The following PCDH12 variants were observed in gnomAD, a reference collection of about 807,000 sequenced individuals.
PCDH12 encodes protocadherin 12.
A neutral mutation model predicts 70.9 loss-of-function variants in PCDH12; 45 were observed. The ratio of observed to expected loss-of-function variants is 0.63; its 90% CI spans 0.50 to 0.81. The LOEUF (loss-of-function observed/expected upper bound fraction) is 0.81. Among genes scored for constraint, PCDH12 ranks in the 40% least tolerant of loss-of-function variants. The pLI, the probability that PCDH12 is intolerant of heterozygous loss-of-function variation, is 0.00. For synonymous variants in PCDH12, 567 were observed against 626.0 expected, an observed-to-expected ratio of 0.91 and a Z score of 1.41; for missense variants, 1,370 against 1,491.7, an observed-to-expected ratio of 0.92 and a Z score of 1.34.
Position 141,950,167 on chromosome 5 carries a change from G to A in PCDH12, c.2979-584C>T, listed in dbSNP as rs74531188. Among the ~76,000 whole-genome samples, 1,269 of 152,210 alleles carry A rather than the reference G, an allele frequency of 8.3e-3. 18 individuals are homozygous for A. The highest frequency in any genetic ancestry group is 0.029 in the African/African-American group (1,219 of 41,532). ...GAGCAGACCTATGGAGGGTGCAGCC[G>A]GAGTGAGGCAGCCTAAAGCTGCTCA... On this transcript the variant is annotated intron_variant, in intron 2 of 3. Transcript: ENST00000231484.
At position 141,955,872 on chromosome 5, in the gene PCDH12, G is replaced by A; in HGVS notation, c.1980C>T (p.Val660=). ...TCCCAATGAGGCTGCTGGCATTGGT[G>A]ACATTGACGAACAGCTGCCCCGTAT... ...NPHTGQLFVN[V]TNASSLIGSE... Residue 660 remains valine (V), a synonymous_variant, in exon 1 of 4, where the codon GTC becomes GTT. Transcript: ENST00000231484. The surrounding 1 kb of genome is among the most constrained non-coding windows in gnomAD (Gnocchi z 5.5). 6.2e-7 allele frequency: 1 copy of A among 1,614,162 alleles called. No individual in the cohort carries two copies. The highest frequency in any genetic ancestry group is 8.5e-7 in the Non-Finnish European group (1 of 1,180,038).
In PCDH12 at chr5:141,955,627, G is replaced by C. The variant is rs1214356718; in HGVS notation, c.2225C>G (p.Thr742Arg). The change falls in exon 1 of 4, where the codon ACA becomes AGA. Residue 742 changes from threonine (T) to arginine (R), a missense_variant. Thr to Arg is a moderately conservative substitution (Grantham distance 71, BLOSUM62 -1). Transcript: ENST00000231484. This position sits in a 1 kb window ranked among gnomAD's most constrained non-coding sequence, Gnocchi z 5.5. ...ILALFMSICR[T>R]EKKDNRAYNC... ...GTAGGCCCTGTTGTCCTTCTTTTCTGTCCGGCAGATGGACATGAACAAAGC... is the reference window on the plus strand; with the variant it reads ...GTAGGCCCTGTTGTCCTTCTTTTCTCTCCGGCAGATGGACATGAACAAAGC... 1 of 1,613,990 alleles carries C rather than the reference G, an allele frequency of 6.2e-7. No homozygotes were observed. The highest frequency in any genetic ancestry group is 1.3e-5 in the African/African-American group (1 of 74,888).
In PCDH12 at chr5:141,943,910, G is replaced by A. The variant is rs1489437632; in HGVS notation, c.*1471C>T. The A allele has an allele frequency of 2.0e-5, 3 of 152,180 alleles. No individual in the cohort carries two copies. Among genetic ancestry groups the A allele is most frequent in the East Asian group, 3.8e-4 (2 of 5,196 alleles). 9.4% of individuals were successfully genotyped at this position (152,180 alleles called of 1,614,324 possible). On this transcript the variant is annotated 3_prime_UTR_variant, in exon 4 of 4. Coordinates refer to ENST00000231484, the MANE Select transcript of PCDH12 (RefSeq NM_016580.4). ...ATAATGATACCACACTGTATTCCAAGTATGTATGATGCACATTATCCCTAG... is the reference window on the plus strand; with the variant it reads ...ATAATGATACCACACTGTATTCCAAATATGTATGATGCACATTATCCCTAG...
Position 141,954,998 on chromosome 5 carries a change from G to A in PCDH12, c.2854C>T (p.Leu952Phe). Reference protein sequence around the residue: ...AFAERNPVEELTVDSPPVQQI... With the variant: ...AFAERNPVEEFTVDSPPVQQI... ...TGAACAGGAGGAGAATCCACAGTGA[G>A]CTCCTCCACGGGGTTCCGCTCGGCG... is the stretch of plus-strand genomic sequence containing the variant. Residue 952 changes from leucine (L) to phenylalanine (F), a missense_variant, in exon 1 of 4, where the codon CTC becomes TTC. Coordinates refer to ENST00000231484, the MANE Select transcript of PCDH12 (RefSeq NM_016580.4). 6.2e-7 allele frequency: 1 copy of A among 1,613,450 alleles called. No individual in the cohort carries two copies. The highest frequency in any genetic ancestry group is 8.5e-7 in the Non-Finnish European group (1 of 1,179,464).
intron 3 of PCDH12, among the ~76,000 whole-genome samples, chr5:141,947,039 G>A (rs1429324268): frequency 6.6e-6 from 1 of 152,210 alleles, no homozygotes; most frequent in Admixed American, 6.5e-5. Flanking sequence ...TTACCTCTGG[G>A]CAGAAGCAAT....
At position 141,945,171 on chromosome 5, in the gene PCDH12, C is replaced by T. The variant is rs1299805925; in HGVS notation, c.*210G>A. The T allele has an allele frequency of 1.6e-6, 1 of 644,796 alleles. No individual in the cohort carries two copies. The highest frequency in any genetic ancestry group is 2.0e-5 in the South Asian group (1 of 51,008). 39.9% of individuals were successfully genotyped at this position (644,796 alleles called of 1,614,324 possible). On this transcript the variant is annotated 3_prime_UTR_variant, in exon 4 of 4. Transcript: ENST00000231484. The stretch of plus-strand genomic sequence containing the variant: ...ATCTCAGCCACAAACCGTCCCTGTC[C>T]TCCAAAAGACTCAGAGCTGCTTACA...
At position 141,956,084 on chromosome 5, in the gene PCDH12, C is replaced by T; in HGVS notation, c.1768G>A (p.Val590Met). 6.2e-7 allele frequency: 1 copy of T among 1,614,154 alleles called. No individual in the cohort carries two copies. ...AAGCCATTGGGAGTCTCGATGGGCA[C>T]CAGCAGGTGGCCTGTGGAGGCATTC... ...LVNASTGHLL[V>M]PIETPNGLGP... Residue 590 changes from valine to methionine, a missense_variant, in exon 1 of 4, where the codon GTG becomes ATG. By Grantham distance (21) the Val-to-Met change is conservative. Coordinates refer to ENST00000231484, the MANE Select transcript of PCDH12 (RefSeq NM_016580.4).
At chr5:141,945,840 G>C in intron 3 of PCDH12, 35 bp from the exon 4 acceptor site, 1 of 1,587,900 alleles carries the variant, frequency 6.3e-7, no homozygotes, top group South Asian at 1.2e-5. Context: ...TGAGGGCCAG[G>C]CTCCGGGAAG....
In PCDH12 at chr5:141,957,046, G is replaced by A. The variant is rs1448683649; in HGVS notation, c.806C>T (p.Thr269Ile). 1 of 1,614,094 alleles carries A rather than the reference G, an allele frequency of 6.2e-7. No homozygotes were observed. The highest frequency in any genetic ancestry group is 8.5e-7 in the Non-Finnish European group (1 of 1,180,056). Residue 269 changes from threonine to isoleucine, a missense_variant, in exon 1 of 4, where the codon ACA (threonine) becomes ATA (isoleucine). Transcript: ENST00000231484. The surrounding 1 kb of genome is among the most constrained non-coding windows in gnomAD (Gnocchi z 4.3). ...PGTLLIKLTATDPDQGPNGEV... is the reference protein window; with the variant it reads ...PGTLLIKLTAIDPDQGPNGEV... ...CCCATTGGGGCCTTGGTCAGGGTCT[G>A]TGGCGGTCAGTTTTATGAGAAGCGT...
At chr5:141,953,830 A>C (rs1753129777) in intron 1 of PCDH12, among the ~76,000 whole-genome samples, 1 of 152,198 alleles carries the variant, frequency 6.6e-6, no homozygotes, top group Non-Finnish European at 1.5e-5. Context: ...CTTCCTGAGG[A>C]GGGAATAGGG....
chr5:141,949,548 C>A lies in PCDH12; in HGVS notation c.3014G>T (p.Arg1005Met). The A allele has an allele frequency of 1.2e-6, 2 of 1,614,176 alleles. No individual in the cohort carries two copies. The highest frequency in any genetic ancestry group is 1.7e-6 in the Non-Finnish European group (2 of 1,180,020). ...TTCTGGGTCTGTCTGGCCTCCAGCC[C>A]TTGCACTTGGGCCATCTGTGTCTGG... ...AIPDTDGPSA[R>M]AGGQTDPEQE... is the part of the protein sequence containing the mutation. Residue 1005 changes from arginine to methionine, a missense_variant, in exon 3 of 4, where the codon AGG (arginine) becomes ATG (methionine). Coordinates refer to ENST00000231484, the MANE Select transcript of PCDH12 (RefSeq NM_016580.4).
rs767494852 is a variant in PCDH12 at position 141,955,493 on chromosome 5, C to T, written c.2359G>A (p.Glu787Lys). Residue 787 changes from glutamate (E) to lysine (K), a missense_variant, in exon 1 of 4, where the codon GAG becomes AAG. Glu to Lys is a moderately conservative substitution (Grantham distance 56). Coordinates refer to ENST00000231484, the MANE Select transcript of PCDH12 (RefSeq NM_016580.4). This position sits in a 1 kb window ranked among gnomAD's most constrained non-coding sequence, Gnocchi z 5.5. The stretch of plus-strand genomic sequence containing the variant: ...TGGGACTGCCCGACTTCACAAGGCT[C>T]ACCTGCCTGACCCCTGAGCACAGGC... ...LVPVLRGQAG[E>K]PCEVGQSHKD... is the part of the protein sequence containing the mutation. The T allele has an allele frequency of 1.9e-6, 3 of 1,614,044 alleles. No homozygotes were observed. The highest frequency in any genetic ancestry group is 4.5e-5 in the East Asian group (2 of 44,884).
rs367855715 is a variant in PCDH12 at position 141,945,531 on chromosome 5, C to A, written c.3405G>T (p.Ala1135=). Residue 1135 remains alanine (A), a synonymous_variant, in exon 4 of 4, where the codon GCG becomes GCT. Transcript: ENST00000231484. ...SSMPVEAASE[A]LRRLSVCGRT... ...TCCCGCAGACCGAGAGCCGCCGCAG[C>A]GCCTCGGAGGCGGCCTCCACGGGCA... 5 of 1,613,902 alleles carry A rather than the reference C, an allele frequency of 3.1e-6. No homozygotes were observed. The highest frequency in any genetic ancestry group is 4.2e-6 in the Non-Finnish European group (5 of 1,179,954).
chr5:141,957,192 C>T lies in PCDH12; in HGVS notation c.660G>A (p.Gly220=). 6.2e-7 allele frequency: 1 copy of T among 1,614,134 alleles called. No homozygotes were observed. Among genetic ancestry groups the T allele is most frequent in the Non-Finnish European group, 8.5e-7 (1 of 1,180,026 alleles). ...FDLVLTAYDN[G]NPPKSGTSLV... ...AGCTGGTACCTGACTTGGGGGGGTT[C>T]CCATTGTCATAGGCAGTTAACACCA... Residue 220 remains glycine, a synonymous_variant, in exon 1 of 4, where the codon GGG becomes GGA. Transcript: ENST00000231484. This position sits in a 1 kb window ranked among gnomAD's most constrained non-coding sequence, Gnocchi z 4.3.
intron 1 of PCDH12, chr5:141,953,388 G>A (rs1178905765): frequency 6.6e-6 from 1 of 152,228 alleles, no homozygotes; most frequent in Non-Finnish European, 1.5e-5. Context: ...GTCCAGTGGT[G>A]TATAATCTCA....
At chr5:141,950,208 A>C (rs527574817) in intron 2 of PCDH12, among the ~76,000 whole-genome samples, 128 of 152,088 alleles carry the variant, frequency 8.4e-4, no homozygotes, top group African/African-American at 2.9e-3. Context: ...TGCTACCTGC[A>C]CCCCAGTCTC....
Position 141,955,644 on chromosome 5 carries a change from G to C in PCDH12, c.2208C>G (p.Phe736Leu). ...TCTTTTCTGTCCGGCAGATGGACAT[G>C]AACAAAGCCAGGATCAACCCGAAGA... ...LGIFGLILALFMSICRTEKKD... is the reference protein window; with the variant it reads ...LGIFGLILALLMSICRTEKKD... Residue 736 changes from phenylalanine to leucine, a missense_variant, in exon 1 of 4, where the codon TTC becomes TTG. By Grantham distance (22) the Phe-to-Leu change is conservative. Coordinates refer to ENST00000231484, the MANE Select transcript of PCDH12 (RefSeq NM_016580.4). The surrounding 1 kb of genome is among the most constrained non-coding windows in gnomAD (Gnocchi z 5.5). 6.2e-7 allele frequency: 1 copy of C among 1,614,176 alleles called. No homozygotes were observed. Among genetic ancestry groups the C allele is most frequent in the South Asian group, 1.1e-5 (1 of 91,080 alleles).
intron 3 of PCDH12, among the ~76,000 whole-genome samples, chr5:141,948,601 A>T (rs138744480): frequency 6.6e-6 from 1 of 152,298 alleles, no homozygotes; most frequent in African/African-American, 2.4e-5. Flanking sequence ...TAGCATATTA[A>T]AGAGTTGACC....
At chr5:141,953,209 C>T (rs1309725773) in intron 1 of PCDH12, 2 of 152,220 alleles carry the variant, frequency 1.3e-5, no homozygotes, top group African/African-American at 4.8e-5. Context: ...TAAATATGTC[C>T]CTGCCCCAGT....
Sources: allele counts gnomAD v4.1 joint callset (sites outside exome capture counted in the v4.1 genomes callset), GRCh38; gene constraint gnomAD v4.1.1; non-coding constraint Gnocchi (gnomAD v3.1); transcripts MANE v1.5; gene names NCBI Gene and HGNC (gene_info 2026-07-23, HGNC 2026-07-21).